PDE1A: variants seen among roughly 807,000 people sequenced by gnomAD.
PDE1A encodes phosphodiesterase 1A, also known as dual specificity calcium/calmodulin-dependent 3',5'-cyclic nucleotide phosphodiesterase 1A.
Under a neutral mutation model 61.7 loss-of-function variants are expected in PDE1A, and 35 were observed. That is an observed-to-expected ratio of 0.57 (90% confidence interval 0.43 to 0.75). The LOEUF is 0.75. PDE1A is among the 30% of genes least tolerant of loss of function. The pLI, the probability that PDE1A is intolerant of heterozygous loss-of-function variation, is 0.00. For synonymous variants in PDE1A, 232 were observed against 213.2 expected, an observed-to-expected ratio of 1.09 and a Z score of -0.77; for missense variants, 597 against 630.6, an observed-to-expected ratio of 0.95 and a Z score of 0.57.
At chr2:182,659,363 T>C in the PDE1A span, among the ~76,000 whole-genome samples, 2,282 of 152,246 alleles carry the variant, frequency 0.015, 27 homozygotes, top group Middle Eastern at 0.041. Flanking sequence ...TACAGCCTCA[T>C]AAAAATACAA....
chr2:182,487,173 A>G (rs558944328), intron 2 of PDE1A, among the ~76,000 whole-genome samples: 1 of 152,176 alleles, frequency 6.6e-6, no homozygotes, highest in African/African-American at 2.4e-5. Context: ...GATGTTCACC[A>G]TCATCGGTCA....
chr2:182,389,962 G>T (rs1222294144), intron 1 of PDE1A, among the ~76,000 whole-genome samples: 1 of 152,096 alleles, frequency 6.6e-6, no homozygotes, highest in Non-Finnish European at 1.5e-5. Flanking sequence ...GGTTTGCGAG[G>T]GGCTCTTGGG....
chr2:182,332,743 G>C (rs1697502225), intron 1 of PDE1A, among the ~76,000 whole-genome samples: 1 of 152,108 alleles, frequency 6.6e-6, no homozygotes, highest in South Asian at 2.1e-4. Flanking sequence ...GCACCCACCA[G>C]ATGCCAGCCA....
upstream of PDE1A, among the ~76,000 whole-genome samples, chr2:182,427,404 T>C (rs187320265): frequency 3.0e-3 from 450 of 152,054 alleles, 5 homozygotes; most frequent in African/African-American, 0.01. Flanking sequence ...AAAACAAAAA[T>C]TGCTAATTTC....
intron 1 of PDE1A, among the ~76,000 whole-genome samples, chr2:182,267,995 T>C (rs1007209989): frequency 6.6e-6 from 1 of 152,108 alleles, no homozygotes; most frequent in Non-Finnish European, 1.5e-5. Context: ...ATGCACAAAG[T>C]CATGTGCATA....
chr2:182,311,947 A>C (rs1696005761), intron 1 of PDE1A, among the ~76,000 whole-genome samples: 1 of 152,186 alleles, frequency 6.6e-6, no homozygotes, highest in Non-Finnish European at 1.5e-5. Context: ...ATATGGTCAG[A>C]GTAAAATAAA....
the PDE1A span, among the ~76,000 whole-genome samples, chr2:182,558,883 A>G: frequency 0.054 from 8,182 of 152,312 alleles, 271 homozygotes; most frequent in Middle Eastern, 0.099. Flanking sequence ...GCTTGAATCA[A>G]TGTCAACATT....
chr2:182,256,062 GTTTATTTTTCT>G (rs1406255401), intron 2 of PDE1A, among the ~76,000 whole-genome samples: 5,298 of 87,804 alleles, frequency 0.06, 236 homozygotes, highest in African/African-American at 0.2. Flanking sequence ...TTTTTTTCTT[GTTTATTTTTCT>G]TTTATTTTTC....
chr2:182,369,281 T>C (rs1284346171), intron 1 of PDE1A, among the ~76,000 whole-genome samples: 1 of 152,232 alleles, frequency 6.6e-6, no homozygotes, highest in Non-Finnish European at 1.5e-5. Context: ...TACATTCTTA[T>C]TAAGCTAATC....
intron 1 of PDE1A, among the ~76,000 whole-genome samples, chr2:182,424,458 T>C (rs557757616): frequency 1.3e-5 from 2 of 152,276 alleles, no homozygotes; most frequent in South Asian, 4.2e-4. Context: ...AAAGGTCTAG[T>C]ACATGGGTCT....
At position 182,418,832 on chromosome 2, in the gene PDE1A, C is replaced by T. The variant is rs765018400; in HGVS notation, c.53+7746G>A. On this transcript the variant is annotated intron_variant, in intron 1 of 13. Coordinates refer to ENST00000351439, the Ensembl canonical transcript of PDE1A. ...GAGTTTCCTCTTCCTCTTAAGCCGG[C>T]CCACAGAAAACCCACCATCTGGCCA... 3.4e-4 allele frequency among the ~76,000 whole-genome samples: 52 copies of T among 152,054 alleles called. 1 individual carries two copies. Among genetic ancestry groups the T allele is most frequent in the Admixed American group, 2.2e-3 (33 of 15,258 alleles).
chr2:182,294,140 G>A (rs1694720427), intron 1 of PDE1A, among the ~76,000 whole-genome samples: 1 of 152,158 alleles, frequency 6.6e-6, no homozygotes, highest in African/African-American at 2.4e-5. Flanking sequence ...ACTACGAATT[G>A]TTTATTTCTA....
At chr2:182,682,518 G>A in the PDE1A span, among the ~76,000 whole-genome samples, 2 of 152,106 alleles carry the variant, frequency 1.3e-5, no homozygotes, top group Admixed American at 1.3e-4. Context: ...GGACTCCTGA[G>A]AGTTCATTTC....
chr2:182,273,315 C>T (rs1177748013), intron 1 of PDE1A, among the ~76,000 whole-genome samples: 1 of 151,610 alleles, frequency 6.6e-6, no homozygotes, highest in Admixed American at 6.6e-5. Context: ...AATTTAAAAG[C>T]CTGAAAAATA....
chr2:182,695,277 C>T, the PDE1A span, among the ~76,000 whole-genome samples: 5 of 151,904 alleles, frequency 3.3e-5, no homozygotes, highest in African/African-American at 9.7e-5. Flanking sequence ...AAACCACTGC[C>T]CCCAAAATTG....
At chr2:182,442,807 T>C (rs566024476) in intron 2 of PDE1A, among the ~76,000 whole-genome samples, 8 of 152,116 alleles carry the variant, frequency 5.3e-5, no homozygotes, top group Non-Finnish European at 1.0e-4. Flanking sequence ...AGGAAATGTA[T>C]AATTTAGCAT....
At chr2:182,627,156 A>G in the PDE1A span, among the ~76,000 whole-genome samples, 3 of 35,962 alleles carry the variant, frequency 8.3e-5, 1 homozygote, top group African/African-American at 9.6e-5. Flanking sequence ...TTATTTATAT[A>G]TAAAATATAA....
At chr2:182,573,444 T>C in the PDE1A span, among the ~76,000 whole-genome samples, 1 of 152,068 alleles carries the variant, frequency 6.6e-6, no homozygotes, top group Non-Finnish European at 1.5e-5. Context: ...GCTATACTAG[T>C]CTCTTCAAAA....
intron 10 of PDE1A, among the ~76,000 whole-genome samples, chr2:182,198,775 G>A (rs1341519310): frequency 1.3e-5 from 2 of 151,796 alleles, no homozygotes; most frequent in Non-Finnish European, 3.0e-5. Flanking sequence ...ATGTGGATGT[G>A]TAATTTTCTT....
Sources: allele counts gnomAD v4.1 joint callset (sites outside exome capture counted in the v4.1 genomes callset), GRCh38; gene constraint gnomAD v4.1.1; transcripts MANE v1.5; gene names NCBI Gene and HGNC (gene_info 2026-07-23, HGNC 2026-07-21).